The following UNC93A variants were observed in gnomAD, a reference collection of about 807,000 sequenced individuals.
UNC93A encodes the protein unc-93 homolog A, also known as N-acetylglucosamine transporter UNC93A.
In UNC93A, 43 loss-of-function variants were observed where a neutral mutation model predicts 47.5. The ratio of observed to expected loss-of-function variants is 0.91; its 90% confidence interval spans 0.71 to 1.17. UNC93A has a LOEUF of 1.17. Ranked by LOEUF, UNC93A falls within the 50% of genes most tolerant of loss-of-function variation. UNC93A has a pLI of 0.00. For missense variants in UNC93A, 605 were observed against 577.6 expected (o/e 1.05, Z -0.49); for synonymous variants, 280 against 258.0 (o/e 1.09, Z -0.82).
chr6:167,278,699 A>T (rs977771212), intron 1 of UNC93A, among the ~76,000 whole-genome samples: 4 of 152,138 alleles, frequency 2.6e-5, no homozygotes, highest in Non-Finnish European at 4.4e-5. Context: ...AAATGCAGCC[A>T]TCTGCTTCCT....
chr6:167,279,252 GA>G (rs1286195001), intron 1 of UNC93A, among the ~76,000 whole-genome samples: 1 of 152,142 alleles, frequency 6.6e-6, no homozygotes, highest in Non-Finnish European at 1.5e-5. Context: ...TATATATAGA[GA>G]GAGATAGATA....
chr6:167,282,862 A>G (rs1783656519), intron 1 of UNC93A, among the ~76,000 whole-genome samples: 1 of 152,186 alleles, frequency 6.6e-6, no homozygotes, highest in African/African-American at 2.4e-5. Flanking sequence ...GACTTGAAGC[A>G]GGGGCTTCCG....
intron 1 of UNC93A, among the ~76,000 whole-genome samples, chr6:167,278,647 C>T (rs1386198954): frequency 1.3e-5 from 2 of 152,098 alleles, no homozygotes; most frequent in African/African-American, 2.4e-5. Context: ...AGACAAGTTC[C>T]CCTGAAACTC....
intron 1 of UNC93A, among the ~76,000 whole-genome samples, chr6:167,283,269 T>C (rs2115088930): frequency 6.6e-6 from 1 of 152,294 alleles, no homozygotes; most frequent in Non-Finnish European, 1.5e-5. Context: ...GATGCTATAA[T>C]AGAGTTAGGT....
At chr6:167,287,291 C>T (rs206994), upstream of UNC93A, among the ~76,000 whole-genome samples, 1,343 of 152,270 alleles carry the variant, frequency 8.8e-3, 22 homozygotes, top group African/African-American at 0.031. Context: ...CCTGGTGATG[C>T]TTGGGTCCAG....
chr6:167,302,533 G>A (rs1319601115), intron 4 of UNC93A, among the ~76,000 whole-genome samples: 1 of 152,050 alleles, frequency 6.6e-6, no homozygotes, highest in African/African-American at 2.4e-5. Context: ...TATCACAGAC[G>A]GCACTTACAA....
chr6:167,297,444 G>T (rs1355224817), intron 3 of UNC93A, among the ~76,000 whole-genome samples: 1 of 152,158 alleles, frequency 6.6e-6, no homozygotes, highest in East Asian at 1.9e-4. Flanking sequence ...CTGACTGAGA[G>T]TCATTGCTAA....
intron 6 of UNC93A, among the ~76,000 whole-genome samples, chr6:167,307,081 C>G (rs1233486636): frequency 6.6e-6 from 1 of 152,130 alleles, no homozygotes; most frequent in African/African-American, 2.4e-5. Context: ...TGTCCTACCC[C>G]CTGGCTACTC....
rs778404146 is a variant in UNC93A, at chr6:167,297,970, G to A, written c.525G>A (p.Thr175=). The A allele has an allele frequency of 1.7e-5, 27 of 1,614,010 alleles. No homozygotes were observed. The highest frequency in any genetic ancestry group is 1.5e-4 in the Admixed American group (9 of 60,006). Residue 175 remains threonine (T), a synonymous_variant, in exon 4 of 8, where the codon ACG becomes ACA. Coordinates refer to ENST00000230256, the MANE Select transcript of UNC93A (RefSeq NM_018974.4). ...AGACCCTTCCAGAAGAGCAGCTCAC[G>A]TCCTGTGGGGCCAGTGACTGCCTGA... The part of the protein sequence containing the change: ...SQETLPEEQL[T]SCGASDCLMA...
chr6:167,297,883 A>G, intron 3 of UNC93A, 62 bp from the exon 4 acceptor site: 1 of 1,585,260 alleles, frequency 6.3e-7, no homozygotes, highest in Non-Finnish European at 8.6e-7. Context: ...TGATTTCTCA[A>G]GAACCTACAT....
In UNC93A at chr6:167,296,076, C is replaced by A. The variant is rs569646477; in HGVS notation, c.314C>A (p.Ala105Asp). The change falls in exon 3 of 8, where the codon GCC becomes GAC. Residue 105 changes from alanine to aspartate, a missense_variant. By Grantham distance (126) the Ala-to-Asp change is moderately radical (BLOSUM62 -2). Transcript: ENST00000230256. ...PTSILLGLGA[A>D]PLWSAQCTYL... is the part of the protein sequence containing the mutation. ...TCCATACTGCTGGGACTCGGGGCCG[C>A]CCCGCTGTGGTCTGCACAGTGCACA... 6.2e-6 allele frequency: 10 copies of A among 1,614,236 alleles called. No homozygotes were observed. In the African/African-American group the frequency reaches 1.1e-4, roughly 17 times the overall value.
Position 167,294,649 on chromosome 6 carries a change from T to C in UNC93A, c.220T>C (p.Ser74Pro), listed in dbSNP as rs750805883. ...RLGCKGTIILSMCGYVAFSVG... is the reference protein window; with the variant it reads ...RLGCKGTIILPMCGYVAFSVG... ...GGGCTGCAAGGGGACCATCATCCTC[T>C]CCATGTGTGGCTACGTGGCCTTCTC... is the stretch of plus-strand genomic sequence containing the variant. Residue 74 changes from serine to proline, a missense_variant, in exon 2 of 8, where the codon TCC becomes CCC. By Grantham distance (74) the Ser-to-Pro change is moderately conservative. Coordinates refer to ENST00000230256, the MANE Select transcript of UNC93A (RefSeq NM_018974.4). 1.1e-5 allele frequency: 18 copies of C among 1,609,144 alleles called. No individual in the cohort carries two copies. The highest frequency in any genetic ancestry group is 3.3e-4 in the Middle Eastern group (2 of 6,070).
At chr6:167,301,052 C>A (rs1361929886) in intron 4 of UNC93A, among the ~76,000 whole-genome samples, 2 of 152,244 alleles carry the variant, frequency 1.3e-5, no homozygotes, top group Non-Finnish European at 2.9e-5. Context: ...TGCCTGCATG[C>A]CAATAAAACT....
At chr6:167,290,418 T>C (rs546667850), upstream of UNC93A, among the ~76,000 whole-genome samples, 1 of 152,202 alleles carries the variant, frequency 6.6e-6, no homozygotes. Context: ...AGATTTGCCT[T>C]ATAGATCTAA....
At chr6:167,313,345 G>T (rs1162408012) in intron 7 of UNC93A, among the ~76,000 whole-genome samples, 1 of 152,156 alleles carries the variant, frequency 6.6e-6, no homozygotes, top group Non-Finnish European at 1.5e-5. Flanking sequence ...TTTGGAACCA[G>T]AGTCAGAGAA....
upstream of UNC93A, chr6:167,291,177 GA>G: frequency 4.6e-6 from 1 of 218,244 alleles, no homozygotes; most frequent in Non-Finnish European, 9.0e-6. Flanking sequence ...AATTTAATAG[GA>G]AAAAAGCGCA....
Position 167,298,031 on chromosome 6 carries a change from T to C in UNC93A, c.586T>C (p.Ser196Pro). 6.2e-7 allele frequency: 1 copy of C among 1,613,876 alleles called. No homozygotes were observed. The highest frequency in any genetic ancestry group is 8.5e-7 in the Non-Finnish European group (1 of 1,179,966). ...TTTTNSTQRP[S>P]QQLVYTLLGI... The stretch of plus-strand genomic sequence containing the variant: ...AACCACCAACAGCACCCAGAGGCCC[T>C]CCCAGCAGCTGGTCTACACCCTCCT... The change falls in exon 4 of 8, where the codon TCC (serine) becomes CCC (proline). Residue 196 changes from serine (S) to proline (P), a missense_variant. Ser to Pro is a moderately conservative substitution (Grantham distance 74). Coordinates refer to ENST00000230256, the MANE Select transcript of UNC93A (RefSeq NM_018974.4).
At chr6:167,285,191 A>C (rs2115093381) in intron 1 of UNC93A, among the ~76,000 whole-genome samples, 1 of 151,428 alleles carries the variant, frequency 6.6e-6, no homozygotes, top group African/African-American at 2.4e-5. Flanking sequence ...CACCATGCCC[A>C]GTCACACTCC....
intron 7 of UNC93A, among the ~76,000 whole-genome samples, chr6:167,309,841 T>TG (rs1466194523): frequency 6.6e-6 from 1 of 152,156 alleles, no homozygotes; most frequent in East Asian, 1.9e-4. Context: ...GCCCCAGTAA[T>TG]GCAGGTGGAC....
Sources: gnomAD v4.1 joint callset for allele counts (sites outside exome capture counted in the v4.1 genomes callset) on GRCh38, gnomAD v4.1.1 for gene constraint, MANE v1.5 for transcripts, NCBI Gene and HGNC (gene_info 2026-07-23, HGNC 2026-07-21) for gene names.